Variants in ICAM5 observed in about 807,000 individuals in gnomAD.
The protein encoded by ICAM5 is intercellular adhesion molecule 5.
ICAM5 carries 38 observed loss-of-function variants against 78.8 expected under a neutral mutation model. The ratio of observed to expected loss-of-function variants is 0.48; its 90% CI spans 0.37 to 0.63. The LOEUF is 0.63. ICAM5 is among the 30% of genes least tolerant of loss of function. The probability of loss-of-function intolerance (pLI) is 0.00; values close to 1 mark genes in which losing one functional copy is unlikely to be tolerated. For synonymous variants in ICAM5, 544 were observed against 590.9 expected (o/e 0.92, Z 1.15); for missense variants, 1,059 against 1,303.0 (o/e 0.81, Z 2.88).
Position 10,296,385 on chromosome 19 carries a change from G to T in ICAM5, c.2544G>T (p.Ala848=). 1 of 1,261,418 alleles carries T rather than the reference G, an allele frequency of 7.9e-7. No individual in the cohort carries two copies. The highest frequency in any genetic ancestry group is 1.0e-6 in the Non-Finnish European group (1 of 995,712). The allele number at this position is 1,261,418 out of a possible 1,614,324, so 78.1% of individuals were successfully genotyped here. The change falls in exon 11 of 11, where the codon GCG becomes GCT. Residue 848 remains alanine (A), a synonymous_variant. Transcript: ENST00000221980. ...TGGGCGGCGCGGCGGGGGGCGCGGCGCTGCTGGCCGCGGGGGCCGGCCTGG... is the reference window on the plus strand; with the variant it reads ...TGGGCGGCGCGGCGGGGGGCGCGGCTCTGCTGGCCGCGGGGGCCGGCCTGG... ...VAVGGAAGGA[A]LLAAGAGLAF...
chr19:10,293,001 C>G lies in ICAM5; in HGVS notation c.1220C>G (p.Ala407Gly). 1 of 1,611,212 alleles carries G rather than the reference C, an allele frequency of 6.2e-7. No individual in the cohort carries two copies. The highest frequency in any genetic ancestry group is 8.5e-7 in the Non-Finnish European group (1 of 1,180,006). ...TAACCCCACGCCCTGCCCGCAGACG[C>G]TCCCCGGCTAGACGATTCGGACTGC... ...NRSAELRVLYAPRLDDSDCPR... is the reference protein window; with the variant it reads ...NRSAELRVLYGPRLDDSDCPR... The change falls in exon 6 of 11, where the codon GCT becomes GGT. Residue 407 changes from alanine (A) to glycine (G), a missense_variant. Physicochemically the swap from Ala to Gly is moderately conservative, Grantham distance 60. Around this residue, in one of 3 missense-constraint regions of ICAM5, gnomAD observed 815 missense variants for 952.8 expected, o/e 0.86. Transcript: ENST00000221980. This position sits in a 1 kb window ranked among gnomAD's most constrained non-coding sequence, Gnocchi z 5.0.
Position 10,290,339 on chromosome 19 carries a change from TC to T in ICAM5, c.82+216del. 1 of 490,930 alleles carries T rather than the reference TC, an allele frequency of 2.0e-6. No homozygotes were observed. The highest frequency in any genetic ancestry group is 3.2e-5 in the South Asian group (1 of 31,318). The allele number at this position is 490,930 out of a possible 1,614,324, so 30.4% of individuals were successfully genotyped here. On this transcript the variant is annotated intron_variant, in intron 1 of 10. Coordinates refer to ENST00000221980, the MANE Select transcript of ICAM5 (RefSeq NM_003259.4). This position sits in a 1 kb window ranked among gnomAD's most constrained non-coding sequence, Gnocchi z 5.7. ...TCGATAGCCCCTACCCGCTTCGAGA[TC>T]CTAGGTGTTCTTCCGCACCCAACCC...
rs538056764 is a variant in ICAM5, at chr19:10,292,437, G to A, written c.961+115G>A. On this transcript the variant is annotated intron_variant, in intron 4 of 10. Coordinates refer to ENST00000221980, the MANE Select transcript of ICAM5 (RefSeq NM_003259.4). Reference sequence around the variant, plus strand: ...GAACAGGCGTGGCCCGAGGGGCGGGGCAGGTGGGGGCGGAGACGTAATCGC... The same window carrying A: ...GAACAGGCGTGGCCCGAGGGGCGGGACAGGTGGGGGCGGAGACGTAATCGC... The A allele has an allele frequency of 1.6e-5, 22 of 1,364,178 alleles. No homozygotes were observed. The East Asian group carries it at 2.0e-4, about 12-fold the overall frequency. 84.5% of individuals were successfully genotyped at this position (1,364,178 alleles called of 1,614,324 possible).
At chr19:10,296,046 C>T (rs1297425631) in intron 10 of ICAM5, among the ~76,000 whole-genome samples, 1 of 152,106 alleles carries the variant, frequency 6.6e-6, no homozygotes, top group Non-Finnish European at 1.5e-5. Flanking sequence ...GGAACCTGAC[C>T]TGGTCCTGCC....
chr19:10,296,213 C>T, intron 10 of ICAM5, 126 bp from the exon 11 acceptor site: 4 of 970,436 alleles, frequency 4.1e-6, no homozygotes, highest in Non-Finnish European at 5.3e-6. Context: ...TGTCTCCCTT[C>T]TCCCAAGGCC....
intron 4 of ICAM5, 106 bp downstream of exon 4, chr19:10,292,428 A>G (rs1204163054): frequency 2.3e-5 from 31 of 1,361,142 alleles, no homozygotes; most frequent in Middle Eastern, 2.6e-4. Context: ...GCGTGGCCCG[A>G]GGGGCGGGGC....
At chr19:10,292,468 A>G (rs1053720947) in intron 4 of ICAM5, 144 bp from the exon 5 acceptor site, 23 of 1,365,838 alleles carry the variant, frequency 1.7e-5, no homozygotes, top group Non-Finnish European at 2.3e-5. Context: ...ATCGCTGGGG[A>G]GGAGGAGCCT....
Position 10,291,617 on chromosome 19 carries a change from G to T in ICAM5, c.481G>T (p.Ala161Ser), listed in dbSNP as rs748312107. 6.2e-7 allele frequency: 1 copy of T among 1,611,542 alleles called. No homozygotes were observed. Among genetic ancestry groups the T allele is most frequent in the Non-Finnish European group, 8.5e-7 (1 of 1,179,422 alleles). Residue 161 changes from alanine (A) to serine (S), a missense_variant, in exon 3 of 11, where the codon GCC becomes TCC. Ala to Ser is a moderately conservative substitution (Grantham distance 99). Around this residue, in one of 3 missense-constraint regions of ICAM5, gnomAD observed 815 missense variants for 952.8 expected, o/e 0.86. Transcript: ENST00000221980. ...CCTCACGCTGACCCTGCTGCGGGGC[G>T]CCCAGGAGCTGATCCGCCGCAGCTT... ...ASLTLTLLRG[A>S]QELIRRSFAG...
Position 10,290,880 on chromosome 19 carries a change from C to A in ICAM5, c.83-192C>A. The A allele has an allele frequency of 2.9e-6, 2 of 681,004 alleles. No individual in the cohort carries two copies. The highest frequency in any genetic ancestry group is 2.9e-5 in the Admixed American group (1 of 33,960). 42.2% of individuals were successfully genotyped at this position (681,004 alleles called of 1,614,324 possible). On this transcript the variant is annotated intron_variant, in intron 1 of 10. Transcript: ENST00000221980. This position sits in a 1 kb window ranked among gnomAD's most constrained non-coding sequence, Gnocchi z 5.7. ...TCTCTGCTACCACGTCCCAGAGACACCCTCGAGGTTTAGACTCTGGGAGTG... is the reference window on the plus strand; with the variant it reads ...TCTCTGCTACCACGTCCCAGAGACAACCTCGAGGTTTAGACTCTGGGAGTG...
In ICAM5 at chr19:10,290,188, C is replaced by G; in HGVS notation, c.82+63C>G. The G allele has an allele frequency of 8.0e-7, 1 of 1,255,554 alleles. No homozygotes were observed. The highest frequency in any genetic ancestry group is 1.6e-5 in the African/African-American group (1 of 64,064). The allele number at this position is 1,255,554 out of a possible 1,614,324, so 77.8% of individuals were successfully genotyped here. A position where few individuals can be genotyped will look rare whatever the true frequency, so the allele number is the denominator to read the frequency against. ...GGGCGGAGTCCCTGGACCTGAGAAA[C>G]GGCCTCCTGTCCCTCCCAGCTCTGC... On this transcript the variant is annotated intron_variant, in intron 1 of 10. Transcript: ENST00000221980. The surrounding 1 kb of genome is among the most constrained non-coding windows in gnomAD (Gnocchi z 5.7).
At position 10,296,701 on chromosome 19, in the gene ICAM5, C is replaced by A; in HGVS notation, c.*85C>A. On this transcript the variant is annotated 3_prime_UTR_variant, in exon 11 of 11. Coordinates refer to ENST00000221980, the MANE Select transcript of ICAM5 (RefSeq NM_003259.4). Reference sequence around the variant, plus strand: ...TTATTGCTTTATTTATTTACTTATTCATTTATTTATGTATTCAACTCCAAG... The same window carrying A: ...TTATTGCTTTATTTATTTACTTATTAATTTATTTATGTATTCAACTCCAAG... 9.0e-7 allele frequency: 1 copy of A among 1,116,210 alleles called. No individual in the cohort carries two copies. Among genetic ancestry groups the A allele is most frequent in the Non-Finnish European group, 1.1e-6 (1 of 901,428 alleles). 69.1% of individuals were successfully genotyped at this position (1,116,210 alleles called of 1,614,324 possible). A position where few individuals can be genotyped will look rare whatever the true frequency, so the allele number is the denominator to read the frequency against.
In ICAM5 at chr19:10,293,596, G is replaced by A; in HGVS notation, c.1466-102G>A. The stretch of plus-strand genomic sequence containing the variant: ...CCTTGGATCGGCGTCCAAGGGTTAT[G>A]CAGGGACAACACTTCGTGGAAGCCT... On this transcript the variant is annotated intron_variant, in intron 6 of 10. Transcript: ENST00000221980. This position sits in a 1 kb window ranked among gnomAD's most constrained non-coding sequence, Gnocchi z 5.0. 1.4e-6 allele frequency: 2 copies of A among 1,476,250 alleles called. No individual in the cohort carries two copies. Among genetic ancestry groups the A allele is most frequent in the South Asian group, 2.6e-5 (2 of 78,236 alleles). The allele number at this position is 1,476,250 out of a possible 1,614,324, so 91.4% of individuals were successfully genotyped here.
At position 10,296,475 on chromosome 19, in the gene ICAM5, A is replaced by G. The variant is rs552932424; in HGVS notation, c.2634A>G (p.Ser878=). Residue 878 remains serine, a synonymous_variant, in exon 11 of 11, where the codon TCA becomes TCG. Transcript: ENST00000221980. ...ACAACGTGCAGGAGGCCGAGAGCTC[A>G]GGCGAGGCCGTGTGTCTGAACGGAG... ...GEYNVQEAES[S]GEAVCLNGAG... 4.0e-5 allele frequency: 52 copies of G among 1,298,986 alleles called. 1 individual carries two copies. The South Asian group carries it at 1.1e-3, about 27-fold the overall frequency. 80.5% of individuals were successfully genotyped at this position (1,298,986 alleles called of 1,614,324 possible).
chr19:10,295,185 G>A (rs973977265), intron 9 of ICAM5, among the ~76,000 whole-genome samples, 161 bp from the exon 10 acceptor site: 3 of 152,188 alleles, frequency 2.0e-5, no homozygotes, highest in Non-Finnish European at 4.4e-5. Flanking sequence ...AGCCGCAACA[G>A]CAGCCTGATT....
At chr19:10,291,931 C>A in intron 3 of ICAM5, 104 bp from the exon 4 acceptor site, 1 of 1,487,184 alleles carries the variant, frequency 6.7e-7, no homozygotes. Context: ...GCTGTTTCCC[C>A]CTCCGTGCCT....
intron 5 of ICAM5, 52 bp downstream of exon 5, chr19:10,292,918 C>T (rs762391964): frequency 1.2e-6 from 2 of 1,606,014 alleles, no homozygotes; most frequent in South Asian, 2.2e-5. Context: ...TTCCAAGGAC[C>T]CGCCTGCTCC....
Position 10,295,624 on chromosome 19 carries a change from C to G in ICAM5, c.2497+12C>G, listed in dbSNP as rs1199771189. ...GGTGCGCGTGGCCGGTAAGTGGCAGCTGGGGAGAGGCGGGGCGAGGTATCT... is the reference window on the plus strand; with the variant it reads ...GGTGCGCGTGGCCGGTAAGTGGCAGGTGGGGAGAGGCGGGGCGAGGTATCT... On this transcript the variant is annotated intron_variant, in intron 10 of 10. Transcript: ENST00000221980. 6.5e-7 allele frequency: 1 copy of G among 1,536,918 alleles called. No homozygotes were observed. The highest frequency in any genetic ancestry group is 1.4e-5 in the African/African-American group (1 of 72,894).
At chr19:10,292,398 G>A in intron 4 of ICAM5, 76 bp downstream of exon 4, 1 of 1,480,000 alleles carries the variant, frequency 6.8e-7, no homozygotes, top group Non-Finnish European at 9.1e-7. Context: ...AGAGTGGGCG[G>A]GACCTCAGTA....
Position 10,295,587 on chromosome 19 carries a change from G to C in ICAM5, c.2472G>C (p.Ala824=). 6.5e-7 allele frequency: 1 copy of C among 1,543,968 alleles called. No homozygotes were observed. Among genetic ancestry groups the C allele is most frequent in the Non-Finnish European group, 8.7e-7 (1 of 1,146,248 alleles). Residue 824 remains alanine, a synonymous_variant, in exon 10 of 11, where the codon GCG becomes GCC. Coordinates refer to ENST00000221980, the MANE Select transcript of ICAM5 (RefSeq NM_003259.4). Reference sequence around the variant, plus strand: ...CCACCAACGCGCACGGGCGCCACGCGCGGCGCATCACGGTGCGCGTGGCCG... The same window carrying C: ...CCACCAACGCGCACGGGCGCCACGCCCGGCGCATCACGGTGCGCGTGGCCG... ...CAATNAHGRH[A]RRITVRVAGP...
Sources: allele counts gnomAD v4.1 joint callset (sites outside exome capture counted in the v4.1 genomes callset), GRCh38; gene constraint gnomAD v4.1.1; regional missense constraint gnomAD v4.1.1; non-coding constraint Gnocchi (gnomAD v3.1); transcripts MANE v1.5; gene names NCBI Gene and HGNC (gene_info 2026-07-23, HGNC 2026-07-21).